The following SEMA4C variants were observed in gnomAD, a reference collection of about 807,000 sequenced individuals.
The protein encoded by SEMA4C is semaphorin 4C, also known as semaphorin-4C.
Under a neutral mutation model 89.0 loss-of-function variants are expected in SEMA4C, and 19 were observed. The observed-to-expected ratio is 0.21, with a 90% confidence interval of 0.15 to 0.31. The LOEUF (loss-of-function observed/expected upper bound fraction) is 0.31, where lower values mean the gene tolerates loss of function less well. SEMA4C is among the 10% of genes least tolerant of loss of function. The probability of loss-of-function intolerance (pLI) is 1.00; values close to 1 mark genes in which losing one functional copy is unlikely to be tolerated. For missense variants in SEMA4C, 811 were observed against 1,107.0 expected (o/e 0.73, Z 3.79); for synonymous variants, 428 against 472.7 (o/e 0.91, Z 1.23).
intron 1 of SEMA4C, chr2:96,869,425 C>G (rs1256775389): frequency 1.0e-6 from 1 of 972,814 alleles, no homozygotes; most frequent in African/African-American, 1.8e-5. Context: ...CGGCTCGGCC[C>G]GGGGGCCTGG....
Position 96,866,342 on chromosome 2 carries a change from C to G in SEMA4C, c.199G>C (p.Val67Leu). The change falls in exon 3 of 15, where the codon GTG (valine) becomes CTG (leucine). Residue 67 changes from valine to leucine, a missense_variant. Val to Leu is a conservative substitution (Grantham distance 32). This residue lies in a region of SEMA4C where 119 missense variants were observed against 152.7 expected (regional missense o/e 0.78). Coordinates refer to ENST00000305476, the MANE Select transcript of SEMA4C (RefSeq NM_017789.5). ...GCAAACAGGGCCTCTCGGGCGCCCA[C>G]GTACAGAAGCCCAGTGGGCTCCGTC... ...TLTEPTGLLY[V>L]GAREALFAFS... The G allele has an allele frequency of 3.7e-6, 6 of 1,613,836 alleles. No homozygotes were observed. The highest frequency in any genetic ancestry group is 5.1e-6 in the Non-Finnish European group (6 of 1,179,950).
chr2:96,862,142 A>G (rs1242698027), intron 12 of SEMA4C: 1 of 514,860 alleles, frequency 1.9e-6, no homozygotes, highest in Admixed American at 3.2e-5. Flanking sequence ...TGACGTTATT[A>G]GAAAGGGATG....
At position 96,860,527 on chromosome 2, in the gene SEMA4C, A is replaced by G. The variant is rs911735767; in HGVS notation, c.*99T>C. The G allele has an allele frequency of 3.7e-6, 4 of 1,094,476 alleles. No individual in the cohort carries two copies. In the Admixed American group the frequency reaches 7.1e-5, roughly 19 times the overall value. The allele number at this position is 1,094,476 out of a possible 1,614,324, so 67.8% of individuals were successfully genotyped here. On this transcript the variant is annotated 3_prime_UTR_variant, in exon 15 of 15. Coordinates refer to ENST00000305476, the MANE Select transcript of SEMA4C (RefSeq NM_017789.5). ...GTGCTGGGCAGTATCTGTCCCAGAC[A>G]GAGCAGGTGCCCGTGCCATGTCCCT...
chr2:96,865,894 C>G lies in SEMA4C; in HGVS notation c.294G>C (p.Glu98Asp), dbSNP rs746473493. The G allele has an allele frequency of 4.2e-5, 68 of 1,613,976 alleles. 1 individual carries two copies. The South Asian group carries it at 7.5e-4, about 18-fold the overall frequency. The stretch of plus-strand genomic sequence containing the variant: ...GGTTGTTCTTCCCTTTCTGGATACA[C>G]TCAGTCTTCTTCTCCACGGGGGCCT... ...SWEAPVEKKT[E>D]CIQKGKNNQT... The change falls in exon 4 of 15, where the codon GAG becomes GAC. Residue 98 changes from glutamate (E) to aspartate (D), a missense_variant. Glu to Asp is a conservative substitution (Grantham distance 45, BLOSUM62 2). Around this residue, in one of 4 missense-constraint regions of SEMA4C, gnomAD observed 119 missense variants for 152.7 expected, o/e 0.78. Coordinates refer to ENST00000305476, the MANE Select transcript of SEMA4C (RefSeq NM_017789.5).
rs750799330 is a variant in SEMA4C at position 96,860,757 on chromosome 2, G to A, written c.2371C>T (p.Arg791Cys). 20 of 1,613,778 alleles carry A rather than the reference G, an allele frequency of 1.2e-5. 1 individual carries two copies. In the South Asian group the frequency reaches 1.3e-4, roughly 11 times the overall value. Residue 791 changes from arginine to cysteine, a missense_variant, in exon 15 of 15, where the codon CGC becomes TGC. Physicochemically the swap from Arg to Cys is radical, Grantham distance 180. This residue lies in a region of SEMA4C where 248 missense variants were observed against 269.0 expected (regional missense o/e 0.92). Transcript: ENST00000305476. ...GRNSNANGYVRLQLGGEDRGG... is the reference protein window; with the variant it reads ...GRNSNANGYVCLQLGGEDRGG... ...CGGTCCTCCCCTCCTAGTTGTAAGC[G>A]CACGTAACCATTGGCATTTGAGTTC... is the stretch of plus-strand genomic sequence containing the variant.
Position 96,860,644 on chromosome 2 carries a change from G to C in SEMA4C, c.2484C>G (p.Pro828=), listed in dbSNP as rs750367503. 3.9e-5 allele frequency: 63 copies of C among 1,610,328 alleles called. No homozygotes were observed. In the Middle Eastern group the frequency reaches 6.6e-4, roughly 17 times the overall value. ...QQRQPLPDSN[P]EESSV ...GTTCCCCTCATACTGATGACTCCTC[G>C]GGGTTGGAGTCGGGCAGTGGCTGGC... Residue 828 remains proline, a synonymous_variant, in exon 15 of 15, where the codon CCC becomes CCG. Transcript: ENST00000305476.
chr2:96,865,847 A>G lies in SEMA4C; in HGVS notation c.321+20T>C. 1 of 1,613,926 alleles carries G rather than the reference A, an allele frequency of 6.2e-7. No homozygotes were observed. The highest frequency in any genetic ancestry group is 8.5e-7 in the Non-Finnish European group (1 of 1,179,888). On this transcript the variant is annotated intron_variant, in intron 4 of 14. Transcript: ENST00000305476. ...GTCCTGGGGTGAAGGCAGCACCAGGAGCAGCGTCCAAGCACCCACCTGGTT... is the reference window on the plus strand; with the variant it reads ...GTCCTGGGGTGAAGGCAGCACCAGGGGCAGCGTCCAAGCACCCACCTGGTT...
At chr2:96,862,230 C>G (rs1331596559) in intron 12 of SEMA4C, 1 of 271,158 alleles carries the variant, frequency 3.7e-6, no homozygotes, top group East Asian at 6.8e-5. Context: ...CAAGGCCCAT[C>G]AGCCCTCACA....
At chr2:96,867,654 C>T (rs1054109765) in intron 2 of SEMA4C, 124 bp downstream of exon 2, 1 of 1,033,556 alleles carries the variant, frequency 9.7e-7, no homozygotes, top group Non-Finnish European at 1.5e-6. Context: ...CCACACTGCC[C>T]GTTCTTCCAA....
rs774645055 is a variant in SEMA4C, at chr2:96,860,698, C to T, written c.2430G>A (p.Ala810=). The T allele has an allele frequency of 1.9e-5, 30 of 1,613,462 alleles. No individual in the cohort carries two copies. Among genetic ancestry groups the T allele is most frequent in the South Asian group, 7.7e-5 (7 of 91,076 alleles). Residue 810 remains alanine, a synonymous_variant, in exon 15 of 15, where the codon GCG becomes GCA. Coordinates refer to ENST00000305476, the MANE Select transcript of SEMA4C (RefSeq NM_017789.5). The part of the protein sequence containing the change: ...GGLGHPLPEL[A]DELRRKLQQR... ...GCTGCAGTTTGCGTCTCAGTTCATC[C>T]GCGAGCTCAGGCAGGGGGTGCCCGA...
intron 12 of SEMA4C, chr2:96,863,472 T>TAA (rs2079998814): frequency 1.5e-6 from 2 of 1,331,058 alleles, no homozygotes; most frequent in Non-Finnish European, 2.0e-6. Context: ...TGGCTATATA[T>TAA]AATGGCCCTG....
chr2:96,869,513 C>T (rs2080160168), intron 1 of SEMA4C: 2 of 985,180 alleles, frequency 2.0e-6, no homozygotes. Flanking sequence ...GATCCCACAA[C>T]ATCGGCCTCC....
At chr2:96,868,207 A>C (rs2080125257) in intron 1 of SEMA4C, among the ~76,000 whole-genome samples, 1 of 152,220 alleles carries the variant, frequency 6.6e-6, no homozygotes, top group African/African-American at 2.4e-5. Context: ...GCGCAACAGG[A>C]AATCATTTGA....
rs1185977636 is a variant in SEMA4C, at chr2:96,867,026, T to C, written c.110-595A>G. The C allele has an allele frequency of 2.4e-5, 5 of 208,568 alleles. No individual in the cohort carries two copies. The South Asian group carries it at 3.0e-4, about 13-fold the overall frequency. The allele number at this position is 208,568 out of a possible 1,614,324, so 12.9% of individuals were successfully genotyped here. A position where few individuals can be genotyped will look rare whatever the true frequency, so the allele number is the denominator to read the frequency against. The stretch of plus-strand genomic sequence containing the variant: ...AAACCAGAGGCTCAGAGAGCGGAGA[T>C]GGGGCTGGGGCCTGGGAAGTCTTGC... On this transcript the variant is annotated intron_variant, in intron 2 of 14. Coordinates refer to ENST00000305476, the MANE Select transcript of SEMA4C (RefSeq NM_017789.5).
At chr2:96,869,729 C>T (rs924228971) in intron 1 of SEMA4C, 147 bp downstream of exon 1, 2 of 985,184 alleles carry the variant, frequency 2.0e-6, no homozygotes, top group Non-Finnish European at 2.4e-6. Flanking sequence ...GGAAGGATCC[C>T]CGCGTACAGC....
chr2:96,861,620 G>C lies in SEMA4C; in HGVS notation c.1631C>G (p.Ser544Trp). 1 of 1,579,104 alleles carries C rather than the reference G, an allele frequency of 6.3e-7. No individual in the cohort carries two copies. Among genetic ancestry groups the C allele is most frequent in the Non-Finnish European group, 8.6e-7 (1 of 1,159,190 alleles). The change falls in exon 14 of 15, where the codon TCG (serine) becomes TGG (tryptophan). Residue 544 changes from serine to tryptophan, a missense_variant. Physicochemically the swap from Ser to Trp is radical, Grantham distance 177. This residue lies in a region of SEMA4C where 441 missense variants were observed against 664.9 expected (regional missense o/e 0.66). Transcript: ENST00000305476. This position sits in a 1 kb window ranked among gnomAD's most constrained non-coding sequence, Gnocchi z 7.8. ...GSLLIQHVMT[S>W]DTSGICNLRG... ...GAGGTTGCAGATGCCTGAAGTGTCC[G>C]AGGTCATCACATGCTGGATCAGTAG...
chr2:96,867,231 C>T (rs951742512), intron 2 of SEMA4C, among the ~76,000 whole-genome samples: 1 of 152,210 alleles, frequency 6.6e-6, no homozygotes, highest in African/African-American at 2.4e-5. Context: ...CCGAGTGGAG[C>T]CTGTGGGAGG....
rs754297211 is a variant in SEMA4C, at chr2:96,861,836, A to G, written c.1502T>C (p.Met501Thr). Reference sequence around the variant, plus strand: ...ACAGTCTGCACAGGAGCGATACTTCATGCAGTCGGCCACGGGCAGCTGCAC... The same window carrying G: ...ACAGTCTGCACAGGAGCGATACTTCGTGCAGTCGGCCACGGGCAGCTGCAC... ...QLVQLPVADC[M>T]KYRSCADCVL... Residue 501 changes from methionine to threonine, a missense_variant, in exon 13 of 15, where the codon ATG (methionine) becomes ACG (threonine). Around this residue, in one of 4 missense-constraint regions of SEMA4C, gnomAD observed 441 missense variants for 664.9 expected, o/e 0.66. Transcript: ENST00000305476. The surrounding 1 kb of genome is among the most constrained non-coding windows in gnomAD (Gnocchi z 7.8). 1.9e-6 allele frequency: 3 copies of G among 1,612,632 alleles called. No individual in the cohort carries two copies. The highest frequency in any genetic ancestry group is 2.2e-5 in the South Asian group (2 of 91,088).
intron 1 of SEMA4C, chr2:96,868,584 G>C: frequency 4.1e-6 from 4 of 985,700 alleles, no homozygotes; most frequent in Non-Finnish European, 4.8e-6. Context: ...TGTTGCCCAA[G>C]AGGGAGGCAG....
Sources: gnomAD v4.1 joint callset for allele counts (sites outside exome capture counted in the v4.1 genomes callset) on GRCh38, gnomAD v4.1.1 for gene constraint, gnomAD v4.1.1 regional missense constraint, Gnocchi (gnomAD v3.1) non-coding constraint, MANE v1.5 for transcripts, NCBI Gene and HGNC (gene_info 2026-07-23, HGNC 2026-07-21) for gene names.